Variants in CLMP observed in about 807,000 individuals in gnomAD.
CLMP encodes CXADR like cell adhesion molecule, also known as CXADR-like membrane protein.
A neutral mutation model predicts 45.2 loss-of-function variants in CLMP; 27 were observed. The ratio of observed to expected loss-of-function variants is 0.60; its 90% CI spans 0.44 to 0.82. The LOEUF (loss-of-function observed/expected upper bound fraction) is 0.82. Ranked by LOEUF, CLMP falls within the 40% of genes least tolerant of loss-of-function variation. The pLI is 0.00. For synonymous variants in CLMP, 167 were observed against 171.4 expected, an observed-to-expected ratio of 0.97 and a Z score of 0.20; for missense variants, 403 against 448.4, an observed-to-expected ratio of 0.90 and a Z score of 0.91.
intron 1 of CLMP, among the ~76,000 whole-genome samples, chr11:123,131,607 T>TTTTTC (rs5795367): frequency 0.13 from 18,945 of 151,100 alleles, 1,421 homozygotes; most frequent in East Asian, 0.25. Flanking sequence ...CTTTCTTTCT[T>TTTTTC]TTTTCTTTTC....
At chr11:123,171,427 T>TTTTTCTTTCC (rs1555086701) in intron 1 of CLMP, among the ~76,000 whole-genome samples, 1 of 139,218 alleles carries the variant, frequency 7.2e-6, no homozygotes, top group Non-Finnish European at 1.5e-5. Flanking sequence ...AAGATTTTTT[T>TTTTTCTTTCC]TTTTCTTTTC....
chr11:123,141,480 GGCCAGGCATTCCTTGATA>G (rs1175086755), intron 1 of CLMP, among the ~76,000 whole-genome samples: 2 of 151,990 alleles, frequency 1.3e-5, no homozygotes, highest in Non-Finnish European at 2.9e-5. Flanking sequence ...CACCGCGCCC[GGCCAGGCATTCCTTGATA>G]GCAATGCAAA....
At chr11:123,181,306 T>C (rs1465176749) in intron 1 of CLMP, among the ~76,000 whole-genome samples, 3 of 152,174 alleles carry the variant, frequency 2.0e-5, no homozygotes, top group African/African-American at 7.2e-5. Flanking sequence ...ATTTCACAAC[T>C]GTCTCCACCT....
intron 1 of CLMP, among the ~76,000 whole-genome samples, chr11:123,151,446 C>T (rs1022655295): frequency 3.9e-5 from 6 of 152,226 alleles, no homozygotes; most frequent in African/African-American, 1.4e-4. Context: ...TATGTTCACT[C>T]ATTCACCTGC....
intron 1 of CLMP, among the ~76,000 whole-genome samples, chr11:123,122,442 T>C (rs901570569): frequency 3.9e-5 from 6 of 152,344 alleles, no homozygotes; most frequent in South Asian, 4.1e-4. Flanking sequence ...GACTGTGATA[T>C]TGGCTCTCTA....
intron 1 of CLMP, among the ~76,000 whole-genome samples, chr11:123,157,871 G>A (rs1200479049): frequency 1.3e-5 from 2 of 152,056 alleles, no homozygotes; most frequent in African/African-American, 4.8e-5. Flanking sequence ...TTCAGCACTG[G>A]GGAGAGAGTT....
chr11:123,112,900 C>A (rs1343788222), intron 1 of CLMP, among the ~76,000 whole-genome samples: 1 of 151,244 alleles, frequency 6.6e-6, no homozygotes, highest in African/African-American at 2.4e-5. Flanking sequence ...CAGCCTCCTG[C>A]ATAGCTGGGA....
At chr11:123,138,614 C>G (rs1244130708) in intron 1 of CLMP, among the ~76,000 whole-genome samples, 1 of 138,934 alleles carries the variant, frequency 7.2e-6, no homozygotes, top group East Asian at 2.6e-4. Context: ...CCCCCTCCCC[C>G]TCCCCTGCCA....
intron 1 of CLMP, among the ~76,000 whole-genome samples, chr11:123,100,192 C>T (rs1866038962): frequency 6.6e-6 from 1 of 152,040 alleles, no homozygotes; most frequent in African/African-American, 2.4e-5. Context: ...CCAACCATGG[C>T]CAACATGGTG....
At chr11:123,102,606 T>A (rs1188231071) in intron 1 of CLMP, among the ~76,000 whole-genome samples, 2 of 148,900 alleles carry the variant, frequency 1.3e-5, no homozygotes, top group Non-Finnish European at 3.0e-5. Flanking sequence ...GAGATAGTCT[T>A]GCTCTGTCAC....
rs147908287 is a variant in CLMP at position 123,151,734 on chromosome 11, G to A, written c.28+43179C>T. 2.2e-4 allele frequency among the ~76,000 whole-genome samples: 34 copies of A among 152,302 alleles called. No individual in the cohort carries two copies. The East Asian group carries it at 6.6e-3, about 29-fold the overall frequency. ...GATCAATTAATTCCTGCTGAGATAT[G>A]AAGTATGATAGGAACCAAATAAATG... On this transcript the variant is annotated intron_variant, in intron 1 of 6. Transcript: ENST00000448775.
At position 123,084,514 on chromosome 11, in the gene CLMP, A is replaced by C; in HGVS notation, c.386T>G (p.Leu129Ter). ...TTCACTTTGGCATCCTATCTTACCT[A>C]AGACTTTTAAGATGACATGGCTCCA... ...YVWSHVILKV[L>*]VRPSKPKCEL... is the part of the protein sequence containing the mutation. The change falls in exon 3 of 7, where the codon TTA becomes TGA. Residue 129 changes from leucine to a stop codon, truncating the protein, a stop_gained and splice_region_variant. Transcript: ENST00000448775. LOFTEE classifies it high-confidence loss of function. The C allele has an allele frequency of 6.2e-7, 1 of 1,613,322 alleles. No individual in the cohort carries two copies. The highest frequency in any genetic ancestry group is 8.5e-7 in the Non-Finnish European group (1 of 1,179,254).
chr11:123,112,940 A>AT (rs1860661501), intron 1 of CLMP, among the ~76,000 whole-genome samples: 1 of 151,556 alleles, frequency 6.6e-6, no homozygotes, highest in Non-Finnish European at 1.5e-5. Context: ...CGCCCTGCTA[A>AT]TTTTTTGTAT....
intron 1 of CLMP, among the ~76,000 whole-genome samples, chr11:123,184,521 C>T (rs1315357984): frequency 2.6e-5 from 4 of 152,152 alleles, no homozygotes; most frequent in Admixed American, 2.0e-4. Flanking sequence ...CCTGGCGAGG[C>T]GGAAGCAAAA....
At chr11:123,161,128 TAC>T (rs1201303787) in intron 1 of CLMP, among the ~76,000 whole-genome samples, 1 of 152,216 alleles carries the variant, frequency 6.6e-6, no homozygotes, top group African/African-American at 2.4e-5. Flanking sequence ...ACTAGGTATG[TAC>T]CAGGTGCCTA....
At chr11:123,119,459 G>A (rs1860782085) in intron 1 of CLMP, among the ~76,000 whole-genome samples, 1 of 152,022 alleles carries the variant, frequency 6.6e-6, no homozygotes, top group African/African-American at 2.4e-5. Flanking sequence ...TGCTTACAGG[G>A]GTAACGAAGA....
chr11:123,150,420 A>AAAGAAAGAAAGAAAGAAAGG (rs1309425703), intron 1 of CLMP, among the ~76,000 whole-genome samples: 1 of 23,344 alleles, frequency 4.3e-5, no homozygotes, highest in Non-Finnish European at 8.0e-5. Context: ...GGAAGGTAAG[A>AAAGAAAGAAAGAAAGAAAGG]AAGAAAGAAA....
At chr11:123,149,903 C>T (rs551424674) in intron 1 of CLMP, among the ~76,000 whole-genome samples, 24 of 151,872 alleles carry the variant, frequency 1.6e-4, no homozygotes, top group East Asian at 5.8e-4. Flanking sequence ...CCTCCGCTCC[C>T]GGGTTTAAAT....
chr11:123,139,900 A>C (rs1591474286), intron 1 of CLMP, among the ~76,000 whole-genome samples: 1 of 152,334 alleles, frequency 6.6e-6, no homozygotes, highest in East Asian at 1.9e-4. Flanking sequence ...GTAGAGAAGT[A>C]CATAATAGAT....
Sources: gnomAD v4.1 joint callset for allele counts (sites outside exome capture counted in the v4.1 genomes callset) on GRCh38, gnomAD v4.1.1 for gene constraint, MANE v1.5 for transcripts, NCBI Gene and HGNC (gene_info 2026-07-23, HGNC 2026-07-21) for gene names.